KCNQ4: variants seen among roughly 807,000 people sequenced by gnomAD.
KCNQ4 encodes potassium voltage-gated channel subfamily KQT member 4.
A neutral mutation model predicts 72.6 loss-of-function variants in KCNQ4; 31 were observed. The ratio of observed to expected loss-of-function variants is 0.43; its 90% CI spans 0.32 to 0.58. KCNQ4 has a LOEUF of 0.58. Among genes scored for constraint, KCNQ4 ranks in the 20% least tolerant of loss-of-function variants. KCNQ4 has a pLI of 0.08. For synonymous variants in KCNQ4, 405 were observed against 403.7 expected (o/e 1.00, Z -0.04); for missense variants, 869 against 962.6 (o/e 0.90, Z 1.29).
chr1:40,822,733 A>C (rs1011834395), intron 8 of KCNQ4, among the ~76,000 whole-genome samples: 1 of 152,216 alleles, frequency 6.6e-6, no homozygotes, highest in Non-Finnish European at 1.5e-5. Context: ...GTCTCCCCTC[A>C]GTCCTGAATG....
At chr1:40,824,620 G>A (rs2148324619) in intron 9 of KCNQ4, among the ~76,000 whole-genome samples, 1 of 152,298 alleles carries the variant, frequency 6.6e-6, no homozygotes, top group East Asian at 1.9e-4. Flanking sequence ...GACAGAGGAG[G>A]AGGCCACTGG....
rs1333142243 is a variant in KCNQ4, at chr1:40,818,548, T to G, written c.576T>G (p.Gly192=). ...FVASVAVIAA[G]TQGNIFATSA... Reference sequence around the variant, plus strand: ...CCTCGGTGGCCGTCATCGCCGCGGGTACCCAGGGCAACATCTTCGCCACGT... The same window carrying G: ...CCTCGGTGGCCGTCATCGCCGCGGGGACCCAGGGCAACATCTTCGCCACGT... The change falls in exon 4 of 14, where the codon GGT becomes GGG. Residue 192 remains glycine (G), a synonymous_variant. Coordinates refer to ENST00000347132, the MANE Select transcript of KCNQ4 (RefSeq NM_004700.4). The G allele has an allele frequency of 3.7e-6, 6 of 1,602,890 alleles. No individual in the cohort carries two copies. In the South Asian group the frequency reaches 6.6e-5, roughly 18 times the overall value.
intron 11 of KCNQ4, among the ~76,000 whole-genome samples, chr1:40,834,091 T>G (rs1046976502): frequency 6.7e-6 from 1 of 149,126 alleles, no homozygotes; most frequent in Non-Finnish European, 1.5e-5. Flanking sequence ...CTTACCCCCT[T>G]TTCACCCATC....
At chr1:40,787,450 C>T (rs1647214216) in intron 1 of KCNQ4, among the ~76,000 whole-genome samples, 1 of 152,152 alleles carries the variant, frequency 6.6e-6, no homozygotes, top group Non-Finnish European at 1.5e-5. Context: ...GGTATGCCTC[C>T]CTCCCATCTG....
chr1:40,838,273 G>T (rs1287591911), intron 13 of KCNQ4, 38 bp from the exon 14 acceptor site: 2 of 1,596,066 alleles, frequency 1.3e-6, no homozygotes. Flanking sequence ...GTCCCCTCCG[G>T]TCCCAGGCCC....
Position 40,820,265 on chromosome 1 carries a change from A to G in KCNQ4, c.1041+5A>G, listed in dbSNP as rs1206296168. 1 of 1,596,456 alleles carries G rather than the reference A, an allele frequency of 6.3e-7. No individual in the cohort carries two copies. Among genetic ancestry groups the G allele is most frequent in the Non-Finnish European group, 8.5e-7 (1 of 1,171,456 alleles). On this transcript the variant is annotated splice_donor_5th_base_variant and intron_variant, in intron 7 of 13. Coordinates refer to ENST00000347132, the MANE Select transcript of KCNQ4 (RefSeq NM_004700.4). ...CCGGCAGCCAACCTCATCCAGGTAC[A>G]AGATGCCCGGGAAGAAGCCCTAGGA...
At position 40,836,230 on chromosome 1, in the gene KCNQ4, T is replaced by C. The variant is rs915607358; in HGVS notation, c.1745+1132T>C. Reference sequence around the variant, plus strand: ...GACAAGTGGTCAGATTCTAGATACATTTTGTAGGCAAAGTTGACAGGGTTT... The same window carrying C: ...GACAAGTGGTCAGATTCTAGATACACTTTGTAGGCAAAGTTGACAGGGTTT... On this transcript the variant is annotated intron_variant, in intron 12 of 13. Transcript: ENST00000347132. Among the ~76,000 whole-genome samples the C allele has an allele frequency of 1.2e-4, 19 of 152,238 alleles. No homozygotes were observed. In the South Asian group the frequency reaches 3.7e-3, roughly 30 times the overall value.
chr1:40,785,112 C>T (rs1388600443), intron 1 of KCNQ4, among the ~76,000 whole-genome samples: 1 of 152,160 alleles, frequency 6.6e-6, no homozygotes, highest in Non-Finnish European at 1.5e-5. Flanking sequence ...GCTGGCAGCA[C>T]CAGGCCTGGC....
intron 1 of KCNQ4, among the ~76,000 whole-genome samples, chr1:40,810,791 C>G (rs1470400358): frequency 1.3e-5 from 2 of 152,154 alleles, no homozygotes; most frequent in Admixed American, 6.5e-5. Flanking sequence ...GCTACAGGGA[C>G]CTTAACCATC....
At chr1:40,810,260 T>C (rs1039070671) in intron 1 of KCNQ4, among the ~76,000 whole-genome samples, 3 of 152,120 alleles carry the variant, frequency 2.0e-5, no homozygotes, top group Non-Finnish European at 4.4e-5. Context: ...CACATCCTGC[T>C]TCCTCTGCCT....
At chr1:40,795,719 G>A (rs922139244) in intron 1 of KCNQ4, among the ~76,000 whole-genome samples, 67 of 152,196 alleles carry the variant, frequency 4.4e-4, no homozygotes, top group African/African-American at 1.6e-3. Context: ...CCCTGTAAAA[G>A]CAGGGTGGCC....
intron 5 of KCNQ4, 123 bp downstream of exon 5, chr1:40,819,595 A>G: frequency 1.5e-6 from 2 of 1,345,280 alleles, no homozygotes; most frequent in Non-Finnish European, 2.1e-6. Context: ...CTCTCACTAG[A>G]GCTGGGACCC....
chr1:40,805,710 C>T (rs563682021), intron 1 of KCNQ4, among the ~76,000 whole-genome samples: 5 of 152,210 alleles, frequency 3.3e-5, no homozygotes, highest in African/African-American at 7.2e-5. Flanking sequence ...GGTTGGGTAC[C>T]GGCTAGTGAA....
rs764309008 is a variant in KCNQ4 at position 40,838,398 on chromosome 1, G to C, written c.1963G>C (p.Val655Leu). The C allele has an allele frequency of 1.2e-6, 2 of 1,613,940 alleles. No individual in the cohort carries two copies. The highest frequency in any genetic ancestry group is 1.3e-5 in the African/African-American group (1 of 74,924). Residue 655 changes from valine to leucine, a missense_variant, in exon 14 of 14, where the codon GTG becomes CTG. Physicochemically the swap from Val to Leu is conservative, Grantham distance 32. Coordinates refer to ENST00000347132, the MANE Select transcript of KCNQ4 (RefSeq NM_004700.4). ...TGGCACCTCGGCCAGCCTGGGCGCC[G>C]TGCAAGTGCCGCTGTTCGACCCCGA... The part of the protein sequence containing the change: ...RSGTSASLGA[V>L]QVPLFDPDIT...
At chr1:40,823,533 G>C (rs1571258) in intron 8 of KCNQ4, among the ~76,000 whole-genome samples, 142,216 of 152,114 alleles carry the variant, frequency 0.93, 66,653 homozygotes, top group East Asian at 1. Flanking sequence ...CCTTAGTTTG[G>C]TCATCCATGC....
At position 40,797,440 on chromosome 1, in the gene KCNQ4, G is replaced by A. The variant is rs978635902; in HGVS notation, c.314+13033G>A. Among the ~76,000 whole-genome samples, 9 of 152,342 alleles carry A rather than the reference G, an allele frequency of 5.9e-5. No individual in the cohort carries two copies. In the East Asian group the frequency reaches 1.4e-3, roughly 23 times the overall value. ...AAGAACAGCAAGAAGTCAGAAGAGC[G>A]GGATCCTAGAGGAGGCAAGAGGTAT... On this transcript the variant is annotated intron_variant, in intron 1 of 13. Transcript: ENST00000347132.
chr1:40,821,470 C>G (rs1205412008), intron 7 of KCNQ4, among the ~76,000 whole-genome samples: 1 of 150,788 alleles, frequency 6.6e-6, no homozygotes, highest in Non-Finnish European at 1.5e-5. Context: ...CCCTCCCTGG[C>G]TCTTCCTACG....
intron 1 of KCNQ4, among the ~76,000 whole-genome samples, chr1:40,790,896 A>G (rs1647267993): frequency 6.6e-6 from 1 of 151,990 alleles, no homozygotes; most frequent in Non-Finnish European, 1.5e-5. Flanking sequence ...GTCTGTGTGT[A>G]GCTGTGAGTG....
intron 1 of KCNQ4, among the ~76,000 whole-genome samples, chr1:40,804,384 AC>A (rs1411324985): frequency 6.6e-6 from 1 of 152,240 alleles, no homozygotes; most frequent in Non-Finnish European, 1.5e-5. Flanking sequence ...CTGTATGATC[AC>A]AGGTAAGCCA....
Sources: gnomAD v4.1 joint callset for allele counts (sites outside exome capture counted in the v4.1 genomes callset) on GRCh38, gnomAD v4.1.1 for gene constraint, MANE v1.5 for transcripts, NCBI Gene and HGNC (gene_info 2026-07-23, HGNC 2026-07-21) for gene names.